The following DPP10 variants were observed in gnomAD, a reference collection of about 807,000 sequenced individuals.
DPP10 encodes inactive dipeptidyl peptidase 10.
DPP10 carries 33 observed loss-of-function variants against 120.9 expected under a neutral mutation model. That is an observed-to-expected ratio of 0.27 (90% CI 0.21 to 0.37). The LOEUF is 0.37. Ranked by LOEUF, DPP10 falls within the 10% of genes least tolerant of loss-of-function variation. The pLI is 1.00. For synonymous variants in DPP10, 337 were observed against 326.1 expected, an observed-to-expected ratio of 1.03 and a Z score of -0.36; for missense variants, 816 against 942.8, an observed-to-expected ratio of 0.87 and a Z score of 1.76.
chr2:115,570,271 G>T (rs1017622410), intron 5 of DPP10, among the ~76,000 whole-genome samples: 2 of 152,128 alleles, frequency 1.3e-5, no homozygotes, highest in South Asian at 2.1e-4. Flanking sequence ...GCCCAAATAA[G>T]CAGAAAGCCT....
intron 3 of DPP10, among the ~76,000 whole-genome samples, chr2:115,437,381 C>T (rs2071591139): frequency 6.6e-6 from 1 of 151,948 alleles, no homozygotes; most frequent in Non-Finnish European, 1.5e-5. Context: ...TTGAAATTGA[C>T]CCAGTGCTCC....
intron 1 of DPP10, among the ~76,000 whole-genome samples, chr2:114,486,307 A>G (rs1223795024): frequency 2.6e-5 from 4 of 152,178 alleles, no homozygotes; most frequent in Non-Finnish European, 5.9e-5. Context: ...TGAAAAAAAA[A>G]TTACATTTCC....
intron 3 of DPP10, among the ~76,000 whole-genome samples, chr2:115,465,766 G>C (rs1458820785): frequency 6.6e-6 from 1 of 152,174 alleles, no homozygotes; most frequent in Admixed American, 6.5e-5. Context: ...AGGTTGCAGT[G>C]AGCCAAGATC....
intron 1 of DPP10, among the ~76,000 whole-genome samples, chr2:114,566,738 C>A (rs1452333342): frequency 6.6e-6 from 1 of 152,194 alleles, no homozygotes; most frequent in Non-Finnish European, 1.5e-5. Context: ...AGGAAGAACA[C>A]CAGGCAGGTG....
At chr2:115,354,546 A>G (rs922321650) in intron 3 of DPP10, among the ~76,000 whole-genome samples, 2 of 151,896 alleles carry the variant, frequency 1.3e-5, no homozygotes, top group East Asian at 1.9e-4. Flanking sequence ...TTATGGCTGC[A>G]TAGTATTCCA....
intron 8 of DPP10, among the ~76,000 whole-genome samples, chr2:115,737,353 C>T (rs1350306033): frequency 3.3e-5 from 5 of 152,098 alleles, no homozygotes; most frequent in Non-Finnish European, 7.4e-5. Flanking sequence ...GCCATCAGTT[C>T]ATGATGGGCA....
intron 12 of DPP10, among the ~76,000 whole-genome samples, chr2:115,766,310 G>GTGTGTATATATATATATA (rs1371625141): frequency 1.2e-5 from 1 of 81,738 alleles, no homozygotes; most frequent in African/African-American, 4.3e-5. Flanking sequence ...GTGTGTGTGT[G>GTGTGTATATATATATATA]TATATATATA....
At chr2:115,325,680 A>T (rs1224569990) in intron 2 of DPP10, among the ~76,000 whole-genome samples, 1 of 152,160 alleles carries the variant, frequency 6.6e-6, no homozygotes, top group Non-Finnish European at 1.5e-5. Context: ...TAATAAAACA[A>T]TTACATATAA....
At position 115,836,541 on chromosome 2, in the gene DPP10, A is replaced by G. The variant is rs372580209; in HGVS notation, c.2085A>G (p.Pro695=). The G allele has an allele frequency of 6.2e-6, 10 of 1,613,710 alleles. No homozygotes were observed. The African/African-American group carries it at 6.7e-5, about 11-fold the overall frequency. Residue 695 remains proline, a synonymous_variant, in exon 23 of 26, where the codon CCA becomes CCG. Coordinates refer to ENST00000410059, the MANE Select transcript of DPP10 (RefSeq NM_020868.6). ...TCTCTGAAAGATACCTTGGGATGCC[A>G]TCTAAGGAAGAAAGCACTTACCAGG... The part of the protein sequence containing the change: ...SAFSERYLGM[P]SKEESTYQAA...
At chr2:114,761,876 A>G (rs1680312149) in intron 1 of DPP10, among the ~76,000 whole-genome samples, 1 of 152,116 alleles carries the variant, frequency 6.6e-6, no homozygotes, top group Non-Finnish European at 1.5e-5. Flanking sequence ...AAGGAAACCC[A>G]TTGATTTTTC....
intron 1 of DPP10, among the ~76,000 whole-genome samples, chr2:114,782,328 A>T (rs572773333): frequency 6.7e-6 from 1 of 148,642 alleles, no homozygotes; most frequent in Admixed American, 6.7e-5. Context: ...AAACCTGTGG[A>T]ATATATATAT....
At chr2:114,607,406 T>C (rs910470916) in intron 1 of DPP10, among the ~76,000 whole-genome samples, 8 of 152,190 alleles carry the variant, frequency 5.3e-5, no homozygotes, top group African/African-American at 1.2e-4. Flanking sequence ...TGGGGTGTAA[T>C]GGGCTAGATT....
intron 1 of DPP10, among the ~76,000 whole-genome samples, chr2:114,643,895 ATGTGTGTATATATATATGTGTGTG>A (rs1695903997): frequency 3.5e-5 from 5 of 143,186 alleles, no homozygotes; most frequent in Non-Finnish European, 6.1e-5. Flanking sequence ...GTGTGTGTGT[ATGTGTGTATATATATATGTGTGTG>A]TATATATATA....
intron 1 of DPP10, among the ~76,000 whole-genome samples, chr2:114,810,748 C>T (rs1174110124): frequency 1.3e-5 from 2 of 152,112 alleles, no homozygotes; most frequent in African/African-American, 4.8e-5. Context: ...ATGCAAAGTG[C>T]CTGGATAATG....
intron 1 of DPP10, among the ~76,000 whole-genome samples, chr2:115,253,059 C>G (rs553201255): frequency 6.6e-6 from 1 of 152,264 alleles, no homozygotes; most frequent in South Asian, 2.1e-4. Flanking sequence ...GTACGGGAAG[C>G]ATGGTGCCAA....
chr2:115,678,426 A>T (rs2090430402), intron 5 of DPP10, among the ~76,000 whole-genome samples: 1 of 152,244 alleles, frequency 6.6e-6, no homozygotes, highest in African/African-American at 2.4e-5. Flanking sequence ...GCAAGCACCC[A>T]GTCTTGGCAG....
intron 8 of DPP10, among the ~76,000 whole-genome samples, chr2:115,733,759 G>A (rs2092966848): frequency 6.6e-6 from 1 of 152,134 alleles, no homozygotes. Context: ...GAAGTGCTTT[G>A]TGTTGTGGCT....
chr2:115,404,278 A>G, intron 3 of DPP10, among the ~76,000 whole-genome samples: 1 of 152,108 alleles, frequency 6.6e-6, no homozygotes, highest in East Asian at 1.9e-4. Flanking sequence ...CATACTTTTA[A>G]ATGACCACAT....
At chr2:115,815,596 A>G in intron 20 of DPP10, 79 bp from the exon 21 acceptor site, 2 of 1,242,208 alleles carry the variant, frequency 1.6e-6, no homozygotes, top group South Asian at 1.4e-5. Context: ...ATTGTTTTGT[A>G]TGTATGCATG....
Sources: gnomAD v4.1 joint callset for allele counts (sites outside exome capture counted in the v4.1 genomes callset) on GRCh38, gnomAD v4.1.1 for gene constraint, MANE v1.5 for transcripts, NCBI Gene and HGNC (gene_info 2026-07-23, HGNC 2026-07-21) for gene names.